SLC13A3: variants seen among roughly 807,000 people sequenced by gnomAD.
SLC13A3 encodes the protein solute carrier family 13 member 3.
In SLC13A3, 40 loss-of-function variants were observed where a neutral mutation model predicts 59.0. The ratio of observed to expected loss-of-function variants is 0.68; its 90% CI spans 0.53 to 0.88. The LOEUF is 0.88. Ranked by LOEUF, SLC13A3 falls within the 40% of genes least tolerant of loss-of-function variation. The probability of loss-of-function intolerance (pLI) is 0.00; values close to 1 mark genes in which losing one functional copy is unlikely to be tolerated. For synonymous variants in SLC13A3, 317 were observed against 330.3 expected, an observed-to-expected ratio of 0.96 and a Z score of 0.44; for missense variants, 699 against 783.2, an observed-to-expected ratio of 0.89 and a Z score of 1.28.
In SLC13A3 at chr20:46,558,810, T is replaced by A. The variant is rs929544403; in HGVS notation, c.*1212A>T. 7.2e-5 allele frequency: 11 copies of A among 152,096 alleles called. No individual in the cohort carries two copies. The highest frequency in any genetic ancestry group is 1.3e-4 in the Non-Finnish European group (9 of 68,080). 9.4% of individuals were successfully genotyped at this position (152,096 alleles called of 1,614,324 possible). A position where few individuals can be genotyped will look rare whatever the true frequency, so the allele number is the denominator to read the frequency against. ...GAGTCAGGGCCCCTGGGCTGGTGTC[T>A]TTTCCAATACTGGGCTAATGCTGGG... On this transcript the variant is annotated 3_prime_UTR_variant, in exon 13 of 13. Coordinates refer to ENST00000279027, the MANE Select transcript of SLC13A3 (RefSeq NM_022829.6).
chr20:46,583,218 G>T, intron 9 of SLC13A3: 1 of 548,150 alleles, frequency 1.8e-6, no homozygotes, highest in Non-Finnish European at 2.4e-6. Flanking sequence ...AGCAAAATTT[G>T]ATACATGGAC....
At chr20:46,563,358 C>T (rs1417962203) in intron 12 of SLC13A3, 56 bp downstream of exon 12, 2 of 1,580,862 alleles carry the variant, frequency 1.3e-6, no homozygotes, top group African/African-American at 1.3e-5. Flanking sequence ...GCCTTGCCCG[C>T]CCCCTTGCGG....
intron 1 of SLC13A3, among the ~76,000 whole-genome samples, chr20:46,635,115 A>G (rs2062783100): frequency 6.6e-6 from 1 of 152,204 alleles, no homozygotes; most frequent in Non-Finnish European, 1.5e-5. Context: ...CTGTTATGAG[A>G]ACCAAGGAAG....
At chr20:46,581,389 C>G (rs2062136071) in intron 9 of SLC13A3, among the ~76,000 whole-genome samples, 2 of 152,212 alleles carry the variant, frequency 1.3e-5, no homozygotes, top group African/African-American at 4.8e-5. Context: ...GAAGAACAAG[C>G]TGGACCAACC....
At chr20:46,647,459 C>T (rs1447751254) in intron 1 of SLC13A3, among the ~76,000 whole-genome samples, 2 of 152,180 alleles carry the variant, frequency 1.3e-5, no homozygotes, top group African/African-American at 4.8e-5. Flanking sequence ...GATCACTCCC[C>T]AAACCTCTAA....
intron 1 of SLC13A3, among the ~76,000 whole-genome samples, chr20:46,648,450 G>A (rs905276591): frequency 6.6e-6 from 1 of 152,150 alleles, no homozygotes; most frequent in African/African-American, 2.4e-5. Context: ...GGGAGGCGAA[G>A]GTCCTCCAAA....
intron 3 of SLC13A3, among the ~76,000 whole-genome samples, chr20:46,603,279 G>A (rs1374446595): frequency 1.3e-5 from 2 of 152,164 alleles, no homozygotes; most frequent in Admixed American, 6.5e-5. Flanking sequence ...GGGCCATGAG[G>A]TCTCTGTCAT....
At chr20:46,576,313 AT>A (rs2052944577) in intron 9 of SLC13A3, among the ~76,000 whole-genome samples, 1 of 152,062 alleles carries the variant, frequency 6.6e-6, no homozygotes, top group Admixed American at 6.6e-5. Context: ...ATAAAACTCT[AT>A]TTACAAAAGC....
upstream of SLC13A3, among the ~76,000 whole-genome samples, chr20:46,673,108 G>A (rs8119354): frequency 0.013 from 1,959 of 152,204 alleles, 54 homozygotes; most frequent in African/African-American, 0.044. Context: ...ATGGCCTTGT[G>A]GAAAATGTAG....
At chr20:46,588,493 C>G (rs1352322317) in intron 7 of SLC13A3, among the ~76,000 whole-genome samples, 2 of 151,598 alleles carry the variant, frequency 1.3e-5, no homozygotes, top group South Asian at 4.2e-4. Flanking sequence ...AGACAGAGTC[C>G]GAAAAGCAGA....
intron 4 of SLC13A3, among the ~76,000 whole-genome samples, chr20:46,597,540 G>A (rs145114182): frequency 0.027 from 4,154 of 152,156 alleles, 179 homozygotes; most frequent in African/African-American, 0.091. Context: ...GGGTTCAAGC[G>A]ATTCTCCTGC....
At chr20:46,575,130 A>G (rs1320375563) in intron 10 of SLC13A3, among the ~76,000 whole-genome samples, 1 of 151,940 alleles carries the variant, frequency 6.6e-6, no homozygotes, top group African/African-American at 2.4e-5. Context: ...GACAGAGTGA[A>G]ACTCTGTCTC....
chr20:46,586,045 A>G (rs1377866490), intron 8 of SLC13A3, among the ~76,000 whole-genome samples: 1 of 152,238 alleles, frequency 6.6e-6, no homozygotes, highest in African/African-American at 2.4e-5. Flanking sequence ...ATGATTTCAC[A>G]TGAAAAAAAG....
At chr20:46,610,662 C>T (rs1172768345) in intron 2 of SLC13A3, 53 bp from the exon 3 acceptor site, 8 of 1,479,544 alleles carry the variant, frequency 5.4e-6, no homozygotes, top group Admixed American at 2.1e-5. Context: ...CCCAGGAGAT[C>T]CTCTGGTCCC....
chr20:46,617,071 G>A (rs978397298), intron 1 of SLC13A3, among the ~76,000 whole-genome samples: 3 of 152,170 alleles, frequency 2.0e-5, no homozygotes, highest in African/African-American at 7.2e-5. Flanking sequence ...TCCTCTATTA[G>A]AATGCAAGCT....
chr20:46,648,666 T>C (rs1276304550), intron 1 of SLC13A3, among the ~76,000 whole-genome samples: 1 of 152,196 alleles, frequency 6.6e-6, no homozygotes, highest in Non-Finnish European at 1.5e-5. Context: ...GCACTTTGCG[T>C]AGCCGAGGCT....
At chr20:46,562,643 G>A (rs1406618574) in intron 12 of SLC13A3, among the ~76,000 whole-genome samples, 1 of 152,182 alleles carries the variant, frequency 6.6e-6, no homozygotes, top group African/African-American at 2.4e-5. Context: ...AGGCGGATCG[G>A]TGTCTCTCCC....
At chr20:46,588,390 G>A (rs1241038325) in intron 7 of SLC13A3, among the ~76,000 whole-genome samples, 1 of 152,052 alleles carries the variant, frequency 6.6e-6, no homozygotes, top group Non-Finnish European at 1.5e-5. Context: ...GATCCTTCCT[G>A]AGCCTCAAGC....
chr20:46,655,542 C>T (rs891375884), upstream of SLC13A3, among the ~76,000 whole-genome samples: 1 of 146,730 alleles, frequency 6.8e-6, no homozygotes. Flanking sequence ...ATTATATATA[C>T]TATACAAAAA....
Sources: allele counts gnomAD v4.1 joint callset (sites outside exome capture counted in the v4.1 genomes callset), GRCh38; gene constraint gnomAD v4.1.1; transcripts MANE v1.5; gene names NCBI Gene and HGNC (gene_info 2026-07-23, HGNC 2026-07-21).